Variants in SHTN1 observed in about 807,000 individuals in gnomAD.
The protein encoded by SHTN1 is shootin 1, also known as shootin-1.
SHTN1 carries 42 observed loss-of-function variants against 83.1 expected under a neutral mutation model. That is an observed-to-expected ratio of 0.51 (90% CI 0.39 to 0.65). The LOEUF (loss-of-function observed/expected upper bound fraction) is 0.65, where lower values mean the gene tolerates loss of function less well. Ranked by LOEUF, SHTN1 falls within the 30% of genes least tolerant of loss-of-function variation. The pLI is 0.00. For synonymous variants in SHTN1, 224 were observed against 247.7 expected (o/e 0.90, Z 0.90); for missense variants, 622 against 737.8 (o/e 0.84, Z 1.82).
At chr10:117,047,347 G>A (rs1234712166) in intron 2 of SHTN1, among the ~76,000 whole-genome samples, 2 of 151,818 alleles carry the variant, frequency 1.3e-5, no homozygotes, top group Non-Finnish European at 2.9e-5. Flanking sequence ...TTACAGGCGT[G>A]AGCCACCATG....
At chr10:116,898,038 A>G (rs1341240031) in intron 16 of SHTN1, among the ~76,000 whole-genome samples, 1 of 152,130 alleles carries the variant, frequency 6.6e-6, no homozygotes, top group Non-Finnish European at 1.5e-5. Flanking sequence ...TAAAAAGTCT[A>G]TAATTTAGGC....
chr10:116,976,301 G>T (rs982848085), intron 2 of SHTN1, among the ~76,000 whole-genome samples: 8 of 152,192 alleles, frequency 5.3e-5, no homozygotes, highest in Non-Finnish European at 1.2e-4. Flanking sequence ...CTCAACGCAA[G>T]AGAGTCCAAA....
chr10:116,892,690 TA>T (rs1847375834), intron 16 of SHTN1, among the ~76,000 whole-genome samples: 2 of 152,238 alleles, frequency 1.3e-5, no homozygotes, highest in Admixed American at 1.3e-4. Flanking sequence ...AGTCACAAAT[TA>T]CTTTTCATAG....
intron 7 of SHTN1, 68 bp downstream of exon 7, chr10:116,948,848 G>C (rs1849678122): frequency 3.7e-6 from 4 of 1,090,676 alleles, no homozygotes; most frequent in Non-Finnish European, 5.0e-6. Flanking sequence ...GGTGTAAAAT[G>C]ACACACAATA....
chr10:117,071,182 T>G (rs1482087955), intron 1 of SHTN1, among the ~76,000 whole-genome samples: 1 of 152,214 alleles, frequency 6.6e-6, no homozygotes, highest in African/African-American at 2.4e-5. Flanking sequence ...TTAAAGTAAT[T>G]TTCTGTGCTC....
intron 8 of SHTN1, among the ~76,000 whole-genome samples, chr10:116,943,318 T>C (rs752474600): frequency 5.9e-5 from 9 of 152,226 alleles, no homozygotes; most frequent in Non-Finnish European, 1.0e-4. Context: ...AAGTTTTTCT[T>C]TGAGCTGCTT....
chr10:117,039,697 C>T (rs1564938742), intron 2 of SHTN1, among the ~76,000 whole-genome samples: 1 of 151,464 alleles, frequency 6.6e-6, no homozygotes, highest in East Asian at 1.9e-4. Flanking sequence ...ACTAAAAATA[C>T]AAAAAATTAG....
In SHTN1 at chr10:116,886,263, A is replaced by G. The variant is rs1223530991; in HGVS notation, c.*81T>C. The G allele has an allele frequency of 2.0e-6, 3 of 1,536,296 alleles. No individual in the cohort carries two copies. Among genetic ancestry groups the G allele is most frequent in the East Asian group, 2.5e-5 (1 of 40,816 alleles). Reference sequence around the variant, plus strand: ...ATACAGTGACCAGAGCAGAATGTCTACAGCCCTTGCCAATATAACAACACT... The same window carrying G: ...ATACAGTGACCAGAGCAGAATGTCTGCAGCCCTTGCCAATATAACAACACT... On this transcript the variant is annotated 3_prime_UTR_variant, in exon 17 of 17. Transcript: ENST00000355371.
chr10:117,037,889 C>T (rs1390970462), intron 2 of SHTN1, among the ~76,000 whole-genome samples: 1 of 129,548 alleles, frequency 7.7e-6, no homozygotes, highest in Non-Finnish European at 1.6e-5. Context: ...GCTTATATTC[C>T]CAGGTACTTG....
chr10:117,115,540 A>G (rs1052788435), intron 1 of SHTN1, among the ~76,000 whole-genome samples: 2 of 152,138 alleles, frequency 1.3e-5, no homozygotes, highest in Non-Finnish European at 2.9e-5. Context: ...CTTCTCTGTG[A>G]GGCTGCTCTA....
intron 16 of SHTN1, among the ~76,000 whole-genome samples, chr10:116,899,324 G>C (rs1847636665): frequency 6.6e-6 from 1 of 152,200 alleles, no homozygotes; most frequent in African/African-American, 2.4e-5. Context: ...ATTTTGAATA[G>C]GGTGGCCAGG....
intron 1 of SHTN1, among the ~76,000 whole-genome samples, chr10:116,998,255 G>A (rs1016188702): frequency 3.3e-5 from 5 of 152,160 alleles, no homozygotes; most frequent in African/African-American, 1.2e-4. Context: ...CCAATATTCT[G>A]TTGTTCAGAG....
chr10:117,123,138 G>A (rs1853955459), intron 1 of SHTN1, among the ~76,000 whole-genome samples: 1 of 152,132 alleles, frequency 6.6e-6, no homozygotes, highest in Non-Finnish European at 1.5e-5. Flanking sequence ...AAGTAGTTGG[G>A]ATTACAGGCA....
chr10:117,085,402 T>A (rs958980653), intron 1 of SHTN1, among the ~76,000 whole-genome samples: 7 of 152,358 alleles, frequency 4.6e-5, no homozygotes, highest in African/African-American at 1.7e-4. Context: ...TTGCCCCATG[T>A]GTTATTTGGA....
intron 10 of SHTN1, among the ~76,000 whole-genome samples, chr10:116,928,441 C>G (rs1296608262): frequency 6.6e-6 from 1 of 152,120 alleles, no homozygotes; most frequent in Non-Finnish European, 1.5e-5. Flanking sequence ...GGAAATGTAT[C>G]GTATTCCTTC....
chr10:117,083,101 T>C (rs1322571867), intron 1 of SHTN1, among the ~76,000 whole-genome samples: 1 of 151,596 alleles, frequency 6.6e-6, no homozygotes, highest in African/African-American at 2.4e-5. Context: ...GTTATTTTGC[T>C]CGTTAGTTGA....
chr10:116,988,029 T>A (rs563074221), intron 1 of SHTN1, among the ~76,000 whole-genome samples: 2 of 152,168 alleles, frequency 1.3e-5, no homozygotes, highest in African/African-American at 4.8e-5. Context: ...TGTACTATAA[T>A]GGTGAATACA....
At chr10:116,938,453 G>A (rs1419434774) in intron 9 of SHTN1, among the ~76,000 whole-genome samples, 1 of 152,150 alleles carries the variant, frequency 6.6e-6, no homozygotes, top group Non-Finnish European at 1.5e-5. Context: ...GTTTGCTGGA[G>A]GTCCACTGCT....
intron 12 of SHTN1, among the ~76,000 whole-genome samples, chr10:116,916,762 A>G (rs760104154): frequency 1.9e-4 from 29 of 152,214 alleles, no homozygotes; most frequent in Non-Finnish European, 3.5e-4. Flanking sequence ...AGAGGTTTCC[A>G]TTACCCTCAT....
Sources: allele counts gnomAD v4.1 joint callset (sites outside exome capture counted in the v4.1 genomes callset), GRCh38; gene constraint gnomAD v4.1.1; transcripts MANE v1.5; gene names NCBI Gene and HGNC (gene_info 2026-07-23, HGNC 2026-07-21).